TFEC: variants seen among roughly 807,000 people sequenced by gnomAD.
The protein encoded by TFEC is class E basic helix-loop-helix protein 34.
In TFEC, 31 loss-of-function variants were observed where a neutral mutation model predicts 41.6. The observed-to-expected ratio is 0.74, with a 90% CI of 0.56 to 1.01. TFEC has a LOEUF of 1.01. Ranked by LOEUF, TFEC falls within the 50% of genes least tolerant of loss-of-function variation. The pLI, the probability that TFEC is intolerant of heterozygous loss-of-function variation, is 0.00. For synonymous variants in TFEC, 143 were observed against 140.6 expected (o/e 1.02, Z -0.12); for missense variants, 402 against 404.1 (o/e 0.99, Z 0.04).
intron 2 of TFEC, among the ~76,000 whole-genome samples, chr7:115,981,312 A>T (rs1041788415): frequency 6.6e-6 from 1 of 152,170 alleles, no homozygotes; most frequent in Non-Finnish European, 1.5e-5. Flanking sequence ...TACCACTTCC[A>T]GAATTTCCTG....
intron 3 of TFEC, among the ~76,000 whole-genome samples, chr7:116,103,273 C>T (rs1477070213): frequency 6.6e-6 from 1 of 152,112 alleles, no homozygotes; most frequent in African/African-American, 2.4e-5. Context: ...TCAGAGCCAA[C>T]CAAGACACCA....
intron 2 of TFEC, among the ~76,000 whole-genome samples, chr7:115,977,646 A>C (rs1173976783): frequency 2.0e-5 from 3 of 152,044 alleles, no homozygotes; most frequent in Non-Finnish European, 4.4e-5. Flanking sequence ...GATACAAAAC[A>C]AAAGAATGAG....
rs1473805504 is a variant in TFEC at position 115,943,817 on chromosome 7, TA to T, written c.516-1778del. 5.3e-5 allele frequency among the ~76,000 whole-genome samples: 8 copies of T among 151,526 alleles called. No individual in the cohort carries two copies. In the East Asian group the frequency reaches 1.6e-3, roughly 30 times the overall value. ...TTAAGATCTTAAAATGTTGGTGGAT[TA>T]AAAGCCTGAATGCATTTACAGTCAG... is the stretch of plus-strand genomic sequence containing the variant. On this transcript the variant is annotated intron_variant, in intron 6 of 7. Coordinates refer to ENST00000265440, the MANE Select transcript of TFEC (RefSeq NM_012252.4).
chr7:115,965,089 T>C (rs1212885238), intron 3 of TFEC, among the ~76,000 whole-genome samples: 2 of 151,618 alleles, frequency 1.3e-5, no homozygotes, highest in Non-Finnish European at 3.0e-5. Flanking sequence ...TGGAGTTTTC[T>C]GTATAGTTTT....
At chr7:116,098,624 G>A (rs1350292684) in intron 3 of TFEC, among the ~76,000 whole-genome samples, 5 of 152,004 alleles carry the variant, frequency 3.3e-5, no homozygotes, top group African/African-American at 9.7e-5. Context: ...TTTAGTTAGC[G>A]ATTTTAATAC....
At chr7:116,136,224 G>A (rs939583360) in intron 1 of TFEC, among the ~76,000 whole-genome samples, 3 of 151,966 alleles carry the variant, frequency 2.0e-5, no homozygotes, top group Admixed American at 1.3e-4. Context: ...TAACGAATAT[G>A]ACTTTTTAGG....
intron 1 of TFEC, among the ~76,000 whole-genome samples, chr7:116,122,472 T>C (rs1181582732): frequency 1.3e-5 from 2 of 152,158 alleles, no homozygotes; most frequent in East Asian, 1.9e-4. Flanking sequence ...AAGATTTCCA[T>C]GGAAACATGC....
intron 3 of TFEC, among the ~76,000 whole-genome samples, chr7:115,963,022 C>T (rs960916655): frequency 5.3e-5 from 8 of 151,570 alleles, no homozygotes; most frequent in Admixed American, 5.3e-4. Flanking sequence ...CCCCGACCAG[C>T]CCCGGTGTTT....
intron 3 of TFEC, among the ~76,000 whole-genome samples, chr7:116,100,923 G>A (rs1797589151): frequency 6.6e-6 from 1 of 152,186 alleles, no homozygotes; most frequent in East Asian, 1.9e-4. Context: ...GTAAAAGCCA[G>A]ATGGGAGGAC....
chr7:116,146,365 G>A (rs917417351), intron 1 of TFEC, among the ~76,000 whole-genome samples: 1 of 152,156 alleles, frequency 6.6e-6, no homozygotes, highest in Non-Finnish European at 1.5e-5. Flanking sequence ...GAGCATTATT[G>A]TCAGTGTCTG....
chr7:116,128,869 A>T (rs1447619894), intron 1 of TFEC, among the ~76,000 whole-genome samples: 4 of 152,228 alleles, frequency 2.6e-5, no homozygotes, highest in Non-Finnish European at 4.4e-5. Flanking sequence ...AGGGATTTTT[A>T]GAAAGTCTAG....
At chr7:116,080,976 A>AGT (rs60317630) in intron 3 of TFEC, among the ~76,000 whole-genome samples, 12,897 of 137,798 alleles carry the variant, frequency 0.094, 574 homozygotes, top group South Asian at 0.11. Context: ...AAGAAAATGT[A>AGT]GTGTGTGTGT....
chr7:116,084,010 G>C (rs576116507), intron 3 of TFEC, among the ~76,000 whole-genome samples: 1 of 151,984 alleles, frequency 6.6e-6, no homozygotes, highest in South Asian at 2.1e-4. Context: ...TTACTTGCTA[G>C]CACCCACCAT....
At chr7:116,062,849 A>G (rs563395684) in intron 3 of TFEC, among the ~76,000 whole-genome samples, 4 of 152,196 alleles carry the variant, frequency 2.6e-5, no homozygotes, top group South Asian at 4.1e-4. Flanking sequence ...GCTGGTAGGA[A>G]TGTTTAATGG....
At chr7:116,032,420 T>A (rs961370885), upstream of TFEC, among the ~76,000 whole-genome samples, 33 of 152,048 alleles carry the variant, frequency 2.2e-4, no homozygotes, top group Non-Finnish European at 4.0e-4. Flanking sequence ...AGGAAAGACA[T>A]GGAATCAACC....
chr7:115,943,739 A>G (rs1562876310), intron 6 of TFEC, among the ~76,000 whole-genome samples: 2 of 151,706 alleles, frequency 1.3e-5, no homozygotes. Context: ...GCATGGCTAA[A>G]GAATGAATGT....
At chr7:116,016,709 A>C (rs1342719309) in intron 1 of TFEC, among the ~76,000 whole-genome samples, 1 of 151,816 alleles carries the variant, frequency 6.6e-6, no homozygotes. Context: ...TATTGGATAT[A>C]TATAGTTATA....
intron 3 of TFEC, among the ~76,000 whole-genome samples, chr7:116,067,993 A>C (rs1341521631): frequency 1.3e-5 from 2 of 151,744 alleles, no homozygotes; most frequent in Admixed American, 6.6e-5. Flanking sequence ...TTCCTACTCT[A>C]TCTCTCTGAT....
At chr7:115,960,913 T>C (rs1417046470) in intron 3 of TFEC, among the ~76,000 whole-genome samples, 1 of 151,680 alleles carries the variant, frequency 6.6e-6, no homozygotes, top group African/African-American at 2.4e-5. Context: ...GCTTAAAAAA[T>C]TATTAGGGAT....
Sources: gnomAD v4.1 joint callset for allele counts (sites outside exome capture counted in the v4.1 genomes callset) on GRCh38, gnomAD v4.1.1 for gene constraint, MANE v1.5 for transcripts, NCBI Gene and HGNC (gene_info 2026-07-23, HGNC 2026-07-21) for gene names.